BICC1: variants seen among roughly 807,000 people sequenced by gnomAD.
BICC1 encodes BicC family RNA binding protein 1, also known as protein bicaudal C homolog 1.
In BICC1, 43 loss-of-function variants were observed where a neutral mutation model predicts 111.0. The observed-to-expected ratio is 0.39, with a 90% CI of 0.30 to 0.50. The LOEUF (loss-of-function observed/expected upper bound fraction) is 0.50. BICC1 is among the 20% of genes least tolerant of loss of function. BICC1 has a pLI of 0.88. For missense variants in BICC1, 1,091 were observed against 1,203.2 expected (o/e 0.91, Z 1.38); for synonymous variants, 467 against 434.4 (o/e 1.07, Z -0.93).
chr10:58,745,924 A>G (rs1254661764), intron 3 of BICC1, among the ~76,000 whole-genome samples: 3 of 152,042 alleles, frequency 2.0e-5, no homozygotes, highest in Non-Finnish European at 4.4e-5. Context: ...ATCCTATTAT[A>G]GGGTAGATAT....
At chr10:58,710,898 G>A (rs1399819205) in intron 3 of BICC1, among the ~76,000 whole-genome samples, 4 of 152,264 alleles carry the variant, frequency 2.6e-5, no homozygotes, top group Admixed American at 6.5e-5. Context: ...GCCCAGGCTG[G>A]AGTGCAGTGG....
intron 3 of BICC1, among the ~76,000 whole-genome samples, chr10:58,730,710 G>A (rs889911353): frequency 6.6e-6 from 1 of 152,072 alleles, no homozygotes; most frequent in Non-Finnish European, 1.5e-5. Context: ...TTAACACAGT[G>A]TAGAAACCAC....
intron 3 of BICC1, among the ~76,000 whole-genome samples, chr10:58,738,012 C>T (rs982455497): frequency 3.9e-5 from 6 of 152,132 alleles, no homozygotes; most frequent in African/African-American, 9.7e-5. Context: ...GAGTAGATTG[C>T]GAAAATGTTC....
chr10:58,774,729 G>A (rs367937589), intron 3 of BICC1, among the ~76,000 whole-genome samples: 19 of 152,064 alleles, frequency 1.2e-4, no homozygotes, highest in East Asian at 5.8e-4. Flanking sequence ...AAAAGTATGG[G>A]AATTTAACTG....
At chr10:58,558,952 C>G (rs1258782174) in intron 1 of BICC1, among the ~76,000 whole-genome samples, 2 of 152,062 alleles carry the variant, frequency 1.3e-5, no homozygotes, top group Non-Finnish European at 2.9e-5. Context: ...GTTCCACCTC[C>G]TAATACAATC....
intron 1 of BICC1, among the ~76,000 whole-genome samples, chr10:58,575,596 T>A (rs1384932346): frequency 6.6e-6 from 1 of 152,114 alleles, no homozygotes; most frequent in East Asian, 1.9e-4. Context: ...TTGTTGGTTT[T>A]TTTTTGTTAA....
intron 11 of BICC1, 113 bp downstream of exon 11, chr10:58,798,673 TAC>T (rs1843437991): frequency 1.0e-5 from 10 of 969,028 alleles, no homozygotes; most frequent in Non-Finnish European, 1.3e-5. Flanking sequence ...GTTCAAAGCA[TAC>T]TCCATTGAAA....
chr10:58,695,809 C>A (rs1455517052), intron 2 of BICC1, among the ~76,000 whole-genome samples: 1 of 152,042 alleles, frequency 6.6e-6, no homozygotes, highest in African/African-American at 2.4e-5. Context: ...GTATACTAAT[C>A]TGGAATTTGT....
intron 1 of BICC1, among the ~76,000 whole-genome samples, chr10:58,613,688 T>C (rs543060229): frequency 6.6e-6 from 1 of 152,332 alleles, no homozygotes; most frequent in African/African-American, 2.4e-5. Context: ...GTGCATTGTC[T>C]AGAATGAGAA....
At position 58,669,173 on chromosome 10, in the gene BICC1, A is replaced by T. The variant is rs573611937; in HGVS notation, c.238-32901A>T. Among the ~76,000 whole-genome samples the T allele has an allele frequency of 2.6e-4, 40 of 151,662 alleles. 1 individual carries two copies. The South Asian group carries it at 7.9e-3, about 30-fold the overall frequency. On this transcript the variant is annotated intron_variant, in intron 2 of 20. Transcript: ENST00000373886. ...ACTAAATGACAGTTCTTTTTTTTTTAAATATACCCAGTTGAGCATCTCAAA... is the reference window on the plus strand; with the variant it reads ...ACTAAATGACAGTTCTTTTTTTTTTTAATATACCCAGTTGAGCATCTCAAA...
intron 3 of BICC1, among the ~76,000 whole-genome samples, chr10:58,767,382 A>C (rs913849515): frequency 6.6e-6 from 1 of 152,142 alleles, no homozygotes; most frequent in African/African-American, 2.4e-5. Flanking sequence ...GCATTCATAG[A>C]AAATATCGAG....
intron 1 of BICC1, among the ~76,000 whole-genome samples, chr10:58,583,523 C>A (rs1186311157): frequency 6.6e-6 from 1 of 151,860 alleles, no homozygotes; most frequent in Non-Finnish European, 1.5e-5. Context: ...CTAATTCCAT[C>A]TAGGTTGCTG....
chr10:58,569,723 AT>A (rs1206837074), intron 1 of BICC1, among the ~76,000 whole-genome samples: 2 of 152,128 alleles, frequency 1.3e-5, no homozygotes, highest in Non-Finnish European at 2.9e-5. Flanking sequence ...ACATGAACTT[AT>A]CCTTTTATAT....
intron 8 of BICC1, among the ~76,000 whole-genome samples, chr10:58,791,494 T>G (rs1413393215): frequency 1.3e-5 from 2 of 152,154 alleles, no homozygotes; most frequent in East Asian, 3.9e-4. Flanking sequence ...TCCCAACACT[T>G]TGGGAGGCCG....
chr10:58,629,016 C>T (rs1457959840), intron 2 of BICC1, among the ~76,000 whole-genome samples: 1 of 152,150 alleles, frequency 6.6e-6, no homozygotes, highest in African/African-American at 2.4e-5. Context: ...TGGAAAGCCT[C>T]ACTCTGGGAG....
chr10:58,690,575 C>T (rs975555792), intron 2 of BICC1, among the ~76,000 whole-genome samples: 1 of 152,176 alleles, frequency 6.6e-6, no homozygotes, highest in Non-Finnish European at 1.5e-5. Context: ...TGAATACATA[C>T]CTCCTTTCAA....
chr10:58,829,342 G>A lies in BICC1; in HGVS notation c.*451G>A, dbSNP rs925046823. On this transcript the variant is annotated 3_prime_UTR_variant, in exon 21 of 21. Coordinates refer to ENST00000373886, the MANE Select transcript of BICC1 (RefSeq NM_001080512.3). ...AAAATAATCAAAGTGGAATTTTCTG[G>A]TACTGCTTTAAAATAATTATTGTGG... 2.0e-5 allele frequency: 3 copies of A among 151,814 alleles called. No individual in the cohort carries two copies. Among genetic ancestry groups the A allele is most frequent in the Non-Finnish European group, 2.9e-5 (2 of 68,140 alleles). 9.4% of individuals were successfully genotyped at this position (151,814 alleles called of 1,614,324 possible). A position where few individuals can be genotyped will look rare whatever the true frequency, so the allele number is the denominator to read the frequency against.
intron 2 of BICC1, among the ~76,000 whole-genome samples, chr10:58,685,695 CT>C: frequency 6.6e-6 from 1 of 152,078 alleles, no homozygotes; most frequent in Non-Finnish European, 1.5e-5. Flanking sequence ...GCAACCCCTG[CT>C]TTTTTTGTTT....
chr10:58,672,027 T>A (rs529383609), intron 2 of BICC1, among the ~76,000 whole-genome samples: 1 of 152,310 alleles, frequency 6.6e-6, no homozygotes, highest in East Asian at 1.9e-4. Flanking sequence ...CATTTCCTGT[T>A]CTGTGCAGTG....
Sources: gnomAD v4.1 joint callset for allele counts (sites outside exome capture counted in the v4.1 genomes callset) on GRCh38, gnomAD v4.1.1 for gene constraint, MANE v1.5 for transcripts, NCBI Gene and HGNC (gene_info 2026-07-23, HGNC 2026-07-21) for gene names.